Variants in FNBP1L observed in about 807,000 individuals in gnomAD.
FNBP1L encodes formin binding protein 1 like.
Under a neutral mutation model 91.2 loss-of-function variants are expected in FNBP1L, and 36 were observed. The observed-to-expected ratio is 0.39, with a 90% confidence interval of 0.30 to 0.52. The LOEUF is 0.52. Ranked by LOEUF, FNBP1L falls within the 20% of genes least tolerant of loss-of-function variation. The pLI is 0.66. For synonymous variants in FNBP1L, 242 were observed against 237.0 expected (o/e 1.02, Z -0.19); for missense variants, 571 against 732.1 (o/e 0.78, Z 2.54).
chr1:93,504,117 C>T (rs943443108), intron 2 of FNBP1L, among the ~76,000 whole-genome samples: 2 of 152,152 alleles, frequency 1.3e-5, no homozygotes, highest in African/African-American at 4.8e-5. Context: ...TACCTGGTAC[C>T]TCTGGAACTG....
intron 5 of FNBP1L, among the ~76,000 whole-genome samples, 167 bp from the exon 6 acceptor site, chr1:93,529,485 G>T (rs1158683598): frequency 6.6e-6 from 1 of 151,974 alleles, no homozygotes; most frequent in Non-Finnish European, 1.5e-5. Flanking sequence ...TACATGTGCA[G>T]GACGTGCAGG....
At chr1:93,478,518 G>T (rs1669577346) in intron 1 of FNBP1L, among the ~76,000 whole-genome samples, 1 of 152,192 alleles carries the variant, frequency 6.6e-6, no homozygotes, top group Non-Finnish European at 1.5e-5. Context: ...CAGGTGGAGA[G>T]GGGGGCAGTC....
chr1:93,475,269 A>T (rs1669452346), intron 1 of FNBP1L, among the ~76,000 whole-genome samples: 1 of 152,184 alleles, frequency 6.6e-6, no homozygotes, highest in South Asian at 2.1e-4. Context: ...TATTTAAAAT[A>T]CATTTAGGCC....
chr1:93,448,994 G>T (rs1167578997), intron 1 of FNBP1L, among the ~76,000 whole-genome samples: 1 of 152,248 alleles, frequency 6.6e-6, no homozygotes, highest in African/African-American at 2.4e-5. Flanking sequence ...TGGTGGGTTG[G>T]TTTTGGGGGC....
chr1:93,473,890 T>C (rs948605042), intron 1 of FNBP1L, among the ~76,000 whole-genome samples: 5 of 152,144 alleles, frequency 3.3e-5, no homozygotes, highest in African/African-American at 1.2e-4. Flanking sequence ...AAGCAGTAGC[T>C]GTAGGCAGAA....
intron 6 of FNBP1L, 146 bp downstream of exon 6, chr1:93,529,902 T>G (rs1671619910): frequency 1.8e-6 from 1 of 562,636 alleles, no homozygotes; most frequent in Non-Finnish European, 3.1e-6. Context: ...TTTGCCAACT[T>G]TAAATTATAC....
intron 2 of FNBP1L, among the ~76,000 whole-genome samples, chr1:93,502,963 T>C (rs1465172248): frequency 6.6e-6 from 1 of 152,200 alleles, no homozygotes; most frequent in Non-Finnish European, 1.5e-5. Flanking sequence ...AGGGAAGAGG[T>C]TTGCCTTGTT....
Position 93,532,977 on chromosome 1 carries a change from G to C in FNBP1L, c.695G>C (p.Gly232Ala). ...ATTAAACTCAGTGAGTGTTACAGAG[G>C]ATTTGCTGACTCAGAACGCAAAGTT... The part of the protein sequence containing the change: ...RTIKLSECYR[G>A]FADSERKVIP... Residue 232 changes from glycine (G) to alanine (A), a missense_variant, in exon 8 of 17, where the codon GGA (glycine) becomes GCA (alanine). Physicochemically the swap from Gly to Ala is moderately conservative, Grantham distance 60. Around this residue, in one of 5 missense-constraint regions of FNBP1L, gnomAD observed 220 missense variants for 313.6 expected, o/e 0.70. Coordinates refer to ENST00000271234, the MANE Select transcript of FNBP1L (RefSeq NM_001164473.3). 1 of 1,613,248 alleles carries C rather than the reference G, an allele frequency of 6.2e-7. No individual in the cohort carries two copies. Among genetic ancestry groups the C allele is most frequent in the Non-Finnish European group, 8.5e-7 (1 of 1,179,462 alleles).
At chr1:93,535,829 A>C (rs1671829102) in intron 9 of FNBP1L, among the ~76,000 whole-genome samples, 1 of 152,040 alleles carries the variant, frequency 6.6e-6, no homozygotes, top group Non-Finnish European at 1.5e-5. Flanking sequence ...ATTAAAAAAA[A>C]AAAGGTGAAA....
intron 1 of FNBP1L, among the ~76,000 whole-genome samples, chr1:93,497,966 T>C (rs1670322941): frequency 9.1e-6 from 1 of 109,620 alleles, no homozygotes; most frequent in Non-Finnish European, 2.4e-5. Context: ...TTGTCAAATA[T>C]GTTAAAAAAA....
At chr1:93,480,764 G>A (rs569693998) in intron 1 of FNBP1L, among the ~76,000 whole-genome samples, 29 of 151,916 alleles carry the variant, frequency 1.9e-4, no homozygotes, top group Non-Finnish European at 3.5e-4. Context: ...GGGTTTCACC[G>A]TGTTAGCCAG....
chr1:93,508,032 C>T (rs1451357694), intron 2 of FNBP1L, among the ~76,000 whole-genome samples: 1 of 151,598 alleles, frequency 6.6e-6, no homozygotes, highest in African/African-American at 2.4e-5. Context: ...AGTTCCTCTC[C>T]TGAGAAGTGA....
chr1:93,473,533 G>A (rs910704831), intron 1 of FNBP1L, among the ~76,000 whole-genome samples: 1 of 152,104 alleles, frequency 6.6e-6, no homozygotes, highest in Non-Finnish European at 1.5e-5. Context: ...AGTGGGGGTC[G>A]TTTCCATCTT....
At chr1:93,464,673 T>C (rs954712729) in intron 1 of FNBP1L, among the ~76,000 whole-genome samples, 1 of 152,230 alleles carries the variant, frequency 6.6e-6, no homozygotes, top group African/African-American at 2.4e-5. Context: ...TGTTCTTTAA[T>C]CATACTTTCA....
rs571626693 is a variant in FNBP1L, at chr1:93,553,411, G to T, written c.*995G>T. The T allele has an allele frequency of 6.5e-6, 1 of 152,772 alleles. No individual in the cohort carries two copies. Among genetic ancestry groups the T allele is most frequent in the African/African-American group, 2.4e-5 (1 of 41,584 alleles). The allele number at this position is 152,772 out of a possible 1,614,324, so 9.5% of individuals were successfully genotyped here. On this transcript the variant is annotated 3_prime_UTR_variant, in exon 17 of 17. Transcript: ENST00000271234. ...ACTCTGCAGCACCGCTGCAGCTGCC[G>T]ATGTAGCCTCGGTAGGTGGCTATTA...
intron 2 of FNBP1L, among the ~76,000 whole-genome samples, chr1:93,516,282 G>A (rs1671109473): frequency 6.6e-6 from 1 of 152,142 alleles, no homozygotes; most frequent in African/African-American, 2.4e-5. Context: ...CTGGAAGGGG[G>A]CACCCGGATT....
intron 2 of FNBP1L, among the ~76,000 whole-genome samples, chr1:93,513,662 C>T (rs1436580922): frequency 6.6e-6 from 1 of 152,114 alleles, no homozygotes; most frequent in Non-Finnish European, 1.5e-5. Context: ...GAACCAATGA[C>T]AAAAACCACA....
At chr1:93,452,471 A>G (rs982134126) in intron 1 of FNBP1L, among the ~76,000 whole-genome samples, 1 of 152,246 alleles carries the variant, frequency 6.6e-6, no homozygotes, top group Non-Finnish European at 1.5e-5. Flanking sequence ...TGGTGAATTT[A>G]CTTGATTGAT....
chr1:93,453,062 C>T (rs549233810), intron 1 of FNBP1L, among the ~76,000 whole-genome samples: 7 of 152,172 alleles, frequency 4.6e-5, no homozygotes, highest in Non-Finnish European at 8.8e-5. Flanking sequence ...CAACCCCATG[C>T]CTCCAGACTA....
Sources: allele counts gnomAD v4.1 joint callset (sites outside exome capture counted in the v4.1 genomes callset), GRCh38; gene constraint gnomAD v4.1.1; regional missense constraint gnomAD v4.1.1; transcripts MANE v1.5; gene names NCBI Gene and HGNC (gene_info 2026-07-23, HGNC 2026-07-21).